MIR17HG: variants seen among roughly 807,000 people sequenced by gnomAD.
The protein encoded by MIR17HG is miR-17-92a-1 cluster host gene, also known as MIR17 host gene (non-protein coding).
chr13:91,348,535 C>T (rs567593299), intron 1 of MIR17HG, among the ~76,000 whole-genome samples: 1 of 151,306 alleles, frequency 6.6e-6, no homozygotes, highest in South Asian at 2.1e-4. Context: ...ACTTTGTACG[C>T]GCGAGGGTGG....
intron 1 of MIR17HG, among the ~76,000 whole-genome samples, chr13:91,348,871 C>A (rs1397679162): frequency 6.7e-6 from 1 of 148,852 alleles, no homozygotes; most frequent in Non-Finnish European, 1.5e-5. Context: ...GGCCTCGGGC[C>A]GCGTGCGACG....
At chr13:91,350,497 T>A (rs1875247119) in intron 3 of MIR17HG, 1 of 493,428 alleles carries the variant, frequency 2.0e-6, no homozygotes, top group African/African-American at 2.0e-5. Context: ...TATGCTGAAT[T>A]TGTATGGTTT....
At chr13:91,351,284 T>A (rs1875300610) in intron 3 of MIR17HG, 2 of 531,946 alleles carry the variant, frequency 3.8e-6, no homozygotes, top group African/African-American at 3.8e-5. Flanking sequence ...TAGTGAAAAG[T>A]CTGTAGAAAA....
chr13:91,350,926 A>G (rs1341300736), intron 3 of MIR17HG: 1 of 534,536 alleles, frequency 1.9e-6, no homozygotes, highest in Non-Finnish European at 3.8e-6. Context: ...TTGCACTACA[A>G]GAAGAATGTA....
intron 3 of MIR17HG, among the ~76,000 whole-genome samples, chr13:91,352,790 G>A (rs188890059): frequency 2.6e-5 from 4 of 152,222 alleles, no homozygotes; most frequent in Non-Finnish European, 5.9e-5. Context: ...GTTATTTAGT[G>A]ACAAACGTGG....
intron 1 of MIR17HG, among the ~76,000 whole-genome samples, chr13:91,349,311 CTCTT>C (rs928633010): frequency 6.6e-6 from 1 of 152,060 alleles, no homozygotes; most frequent in African/African-American, 2.4e-5. Flanking sequence ...GGAGAAACAA[CTCTT>C]TATCCCGGCT....
chr13:91,351,789 C>T (rs1321180254), intron 3 of MIR17HG: 1 of 184,518 alleles, frequency 5.4e-6, no homozygotes, highest in Non-Finnish European at 1.2e-5. Flanking sequence ...GAGAGAATGC[C>T]GCTCTGTTTA....
At chr13:91,349,164 T>C (rs1875146612) in intron 1 of MIR17HG, among the ~76,000 whole-genome samples, 3 of 152,054 alleles carry the variant, frequency 2.0e-5, no homozygotes, top group South Asian at 2.1e-4. Context: ...GCGGGCACTT[T>C]GCAGTCTCGG....
At chr13:91,351,099 T>G (rs555641953) in intron 3 of MIR17HG, 1 of 524,580 alleles carries the variant, frequency 1.9e-6, no homozygotes, top group Non-Finnish European at 4.0e-6. Flanking sequence ...AGGTAGTGTT[T>G]AGTTATCTAC....
exon 4 of MIR17HG, chr13:91,353,951 A>C (rs549920471): frequency 2.6e-5 from 4 of 152,684 alleles, no homozygotes; most frequent in Admixed American, 6.5e-5. Flanking sequence ...GTCTAACTAC[A>C]AGCCAGACTT....
intron 3 of MIR17HG, chr13:91,350,887 G>C (rs757589624): frequency 5.6e-6 from 3 of 534,676 alleles, no homozygotes; most frequent in Non-Finnish European, 1.2e-5. Context: ...AATAGTTTTT[G>C]TTTGCAGTCC....
chr13:91,349,546 CCTG>C (rs1566343140), intron 1 of MIR17HG, among the ~76,000 whole-genome samples: 1 of 152,056 alleles, frequency 6.6e-6, no homozygotes. Flanking sequence ...GCTTTTAAAT[CCTG>C]CTAGTATTGC....
At chr13:91,349,881 T>A (rs1010277629) in intron 2 of MIR17HG, 1 of 152,268 alleles carries the variant, frequency 6.6e-6, no homozygotes, top group African/African-American at 2.4e-5. Flanking sequence ...TGTTTCTTTC[T>A]TTAGACAATG....
chr13:91,354,342 A>G (rs1407379477), exon 4 of MIR17HG: 4 of 152,192 alleles, frequency 2.6e-5, no homozygotes, highest in Admixed American at 2.6e-4. Context: ...TCATTAGGAA[A>G]ATGCACATAT....
intron 3 of MIR17HG, chr13:91,350,464 AT>A (rs1875244932): frequency 1.2e-5 from 5 of 402,014 alleles, no homozygotes; most frequent in Admixed American, 3.0e-5. Flanking sequence ...AATTAAACTA[AT>A]TTTTTCTTCC....
At chr13:91,349,854 T>A (rs2138690553) in intron 2 of MIR17HG, 1 of 152,344 alleles carries the variant, frequency 6.6e-6, no homozygotes, top group African/African-American at 2.4e-5. Flanking sequence ...ATTGGTTTCT[T>A]AGAGAGTAAA....
chr13:91,350,823 A>G (rs760248474), intron 3 of MIR17HG: 2 of 534,692 alleles, frequency 3.7e-6, no homozygotes, highest in East Asian at 5.4e-5. Flanking sequence ...CTTCTGGCAT[A>G]AGAAGTTATG....
chr13:91,353,236 C>T (rs1437429483), intron 3 of MIR17HG, among the ~76,000 whole-genome samples: 1 of 151,022 alleles, frequency 6.6e-6, no homozygotes, highest in African/African-American at 2.4e-5. Flanking sequence ...TGATAGGAAG[C>T]CTGCTGGATG....
At chr13:91,348,330 G>T (rs1166521925) in intron 1 of MIR17HG, among the ~76,000 whole-genome samples, 1 of 150,598 alleles carries the variant, frequency 6.6e-6, no homozygotes, top group East Asian at 2.0e-4. Flanking sequence ...CTTCTCCGGG[G>T]CCCGGGGCGC....
Sources: gnomAD v4.1 joint callset for allele counts (sites outside exome capture counted in the v4.1 genomes callset) on GRCh38, gnomAD v4.1.1 for gene constraint, MANE v1.5 for transcripts, NCBI Gene and HGNC (gene_info 2026-07-23, HGNC 2026-07-21) for gene names.